Variants in CCSER1 observed in about 807,000 individuals in gnomAD.
The protein encoded by CCSER1 is serine-rich coiled-coil domain-containing protein 1.
CCSER1 carries 41 observed loss-of-function variants against 82.0 expected under a neutral mutation model. That is an observed-to-expected ratio of 0.50 (90% CI 0.39 to 0.65). The LOEUF (loss-of-function observed/expected upper bound fraction) is 0.65. CCSER1 is among the 30% of genes least tolerant of loss of function. The pLI is 0.00. For synonymous variants in CCSER1, 414 were observed against 383.9 expected, an observed-to-expected ratio of 1.08 and a Z score of -0.92; for missense variants, 1,119 against 1,064.2, an observed-to-expected ratio of 1.05 and a Z score of -0.72.
intron 1 of CCSER1, among the ~76,000 whole-genome samples, chr4:90,296,633 G>A (rs908507269): frequency 3.9e-5 from 6 of 152,074 alleles, no homozygotes; most frequent in East Asian, 3.9e-4. Context: ...TAGGTCTAAC[G>A]TTTAAGTCTT....
chr4:91,591,876 G>T (rs566015157), intron 10 of CCSER1, among the ~76,000 whole-genome samples: 41 of 152,134 alleles, frequency 2.7e-4, no homozygotes, highest in African/African-American at 9.9e-4. Flanking sequence ...CACTGAAATT[G>T]ATTTTTTTTC....
At chr4:91,488,976 A>G (rs1245234259) in intron 10 of CCSER1, among the ~76,000 whole-genome samples, 1 of 152,236 alleles carries the variant, frequency 6.6e-6, no homozygotes, top group African/African-American at 2.4e-5. Flanking sequence ...ATGAAAAGAG[A>G]GTGGTCTAAA....
At chr4:90,969,953 CATAG>C (rs1051170086) in intron 9 of CCSER1, among the ~76,000 whole-genome samples, 1 of 150,120 alleles carries the variant, frequency 6.7e-6, no homozygotes, top group African/African-American at 2.5e-5. Context: ...AGTAAATATA[CATAG>C]ATAAAGATAA....
At chr4:91,329,613 C>G (rs1034930866) in intron 10 of CCSER1, among the ~76,000 whole-genome samples, 1 of 152,018 alleles carries the variant, frequency 6.6e-6, no homozygotes, top group African/African-American at 2.4e-5. Context: ...TGGTGAGGAC[C>G]CTCTTCCTGG....
chr4:91,067,143 G>A (rs552087068), intron 9 of CCSER1, among the ~76,000 whole-genome samples: 8 of 150,550 alleles, frequency 5.3e-5, no homozygotes, highest in East Asian at 2.0e-4. Flanking sequence ...CAGCCTGGGC[G>A]ACAGAGCCAG....
At chr4:90,865,199 A>G (rs28702498) in intron 8 of CCSER1, among the ~76,000 whole-genome samples, 85,823 of 151,772 alleles carry the variant, frequency 0.57, 24,574 homozygotes, top group African/African-American at 0.63. Context: ...TAAAGATATA[A>G]ACATATATTG....
intron 10 of CCSER1, among the ~76,000 whole-genome samples, chr4:91,405,981 G>C (rs1752676042): frequency 6.6e-6 from 1 of 152,118 alleles, no homozygotes; most frequent in Admixed American, 6.6e-5. Flanking sequence ...GACTGGAGCT[G>C]TTCCTATTTG....
At chr4:91,040,353 T>C (rs1019355118) in intron 9 of CCSER1, among the ~76,000 whole-genome samples, 1 of 152,140 alleles carries the variant, frequency 6.6e-6, no homozygotes, top group African/African-American at 2.4e-5. Context: ...TTTTGAGACA[T>C]AGATAATAAA....
intron 10 of CCSER1, among the ~76,000 whole-genome samples, chr4:91,141,415 G>C (rs775813548): frequency 5.3e-5 from 8 of 152,156 alleles, no homozygotes; most frequent in South Asian, 4.1e-4. Flanking sequence ...GCCTCCCAAA[G>C]TGCTGGGATT....
chr4:90,762,828 C>T (rs1248966915), intron 7 of CCSER1, among the ~76,000 whole-genome samples: 2 of 151,946 alleles, frequency 1.3e-5, no homozygotes, highest in Admixed American at 6.6e-5. Context: ...CAGATGTGAC[C>T]AAATTAAATA....
At chr4:90,782,681 C>CTTTTTTTTTTTT (rs200701722) in intron 7 of CCSER1, among the ~76,000 whole-genome samples, 11 of 123,976 alleles carry the variant, frequency 8.9e-5, no homozygotes, top group African/African-American at 2.4e-4. Flanking sequence ...TCTTTTCTTT[C>CTTTTTTTTTTTT]TTTCTTTTTT....
chr4:90,307,158 T>C (rs1240729655), intron 1 of CCSER1, among the ~76,000 whole-genome samples: 1 of 152,146 alleles, frequency 6.6e-6, no homozygotes, highest in Non-Finnish European at 1.5e-5. Flanking sequence ...GTGAAAGAGA[T>C]AATCTGTGGG....
chr4:90,563,480 C>A (rs2153649135), intron 5 of CCSER1, among the ~76,000 whole-genome samples: 1 of 152,218 alleles, frequency 6.6e-6, no homozygotes, highest in East Asian at 1.9e-4. Flanking sequence ...TGATAACCAC[C>A]ATTTCCCTTT....
intron 7 of CCSER1, among the ~76,000 whole-genome samples, chr4:90,812,889 C>T (rs1029118960): frequency 1.3e-5 from 2 of 152,100 alleles, no homozygotes; most frequent in Non-Finnish European, 2.9e-5. Context: ...CCCCATGATC[C>T]AATCACCTCC....
chr4:91,530,346 A>G (rs899823062), intron 10 of CCSER1, among the ~76,000 whole-genome samples: 4 of 151,094 alleles, frequency 2.6e-5, no homozygotes, highest in African/African-American at 9.7e-5. Flanking sequence ...TTATTGGAAA[A>G]TAAATTTTAG....
chr4:90,259,720 T>C (rs1042215956), intron 1 of CCSER1, among the ~76,000 whole-genome samples: 1 of 152,170 alleles, frequency 6.6e-6, no homozygotes. Flanking sequence ...GATGATCATA[T>C]GGTTTTTGTT....
At chr4:91,495,830 A>G (rs1758773636) in intron 10 of CCSER1, among the ~76,000 whole-genome samples, 2 of 151,682 alleles carry the variant, frequency 1.3e-5, no homozygotes, top group South Asian at 4.1e-4. Flanking sequence ...TATAAATTTA[A>G]ATATAGCTCC....
chr4:90,570,479 C>A (rs1426330878), intron 5 of CCSER1, among the ~76,000 whole-genome samples: 2 of 152,154 alleles, frequency 1.3e-5, no homozygotes, highest in Non-Finnish European at 2.9e-5. Flanking sequence ...CATCACCAGA[C>A]CACCTGCAGA....
At chr4:90,209,136 G>A (rs11941443) in intron 1 of CCSER1, among the ~76,000 whole-genome samples, 1,824 of 152,222 alleles carry the variant, frequency 0.012, 46 homozygotes, top group African/African-American at 0.041. Flanking sequence ...GTGACCATTT[G>A]GACAGTCTTC....
Sources: allele counts gnomAD v4.1 joint callset (sites outside exome capture counted in the v4.1 genomes callset), GRCh38; gene constraint gnomAD v4.1.1; transcripts MANE v1.5; gene names NCBI Gene and HGNC (gene_info 2026-07-23, HGNC 2026-07-21).